MUC5B: variants seen among roughly 807,000 people sequenced by gnomAD.
MUC5B encodes the protein mucin-5B.
A neutral mutation model predicts 376.9 loss-of-function variants in MUC5B; 116 were observed. The ratio of observed to expected loss-of-function variants is 0.31; its 90% CI spans 0.26 to 0.36. MUC5B has a LOEUF of 0.36. Ranked by LOEUF, MUC5B falls within the 10% of genes least tolerant of loss-of-function variation. The pLI is 1.00. For synonymous variants in MUC5B, 3,517 were observed against 3,390.9 expected (o/e 1.04, Z -1.29); for missense variants, 7,165 against 7,769.9 (o/e 0.92, Z 2.93).
chr11:1,246,697 A>G lies in MUC5B; in HGVS notation c.9817A>G (p.Thr3273Ala). 6.2e-7 allele frequency: 1 copy of G among 1,609,686 alleles called. No individual in the cohort carries two copies. Among genetic ancestry groups the G allele is most frequent in the East Asian group, 2.2e-5 (1 of 44,746 alleles). The change falls in exon 31 of 49, where the codon ACT becomes GCT. Residue 3273 changes from threonine to alanine, a missense_variant. Transcript: ENST00000529681. ...AGCCACACCCTCCTCTACTCCAGAG[A>G]CTGTCCACACCTCCACAGTGCTTAC... ...STATPSSTPETVHTSTVLTTT... is the reference protein window; with the variant it reads ...STATPSSTPEAVHTSTVLTTT...
chr11:1,242,172 G>C lies in MUC5B; in HGVS notation c.5292G>C (p.Arg1764Ser). 6.2e-7 allele frequency: 1 copy of C among 1,613,510 alleles called. No individual in the cohort carries two copies. Among genetic ancestry groups the C allele is most frequent in the South Asian group, 1.1e-5 (1 of 91,086 alleles). ...CTCAGGCCGAGACCAGCACGCCCAG[G>C]ACAGAGACGACAATGAGCCCCTTGA... ...STSQAETSTP[R>S]TETTMSPLTN... The change falls in exon 31 of 49, where the codon AGG becomes AGC. Residue 1764 changes from arginine to serine, a missense_variant. By Grantham distance (110) the Arg-to-Ser change is moderately radical. Coordinates refer to ENST00000529681, the MANE Select transcript of MUC5B (RefSeq NM_002458.3).
Position 1,235,031 on chromosome 11 carries a change from G to A in MUC5B, c.2631-54G>A. ...GCACAGGCCTGGGTGCCGGGTCTCA[G>A]GAAGGCCGGGAGAGCAGGCCCCTGT... On this transcript the variant is annotated intron_variant, in intron 21 of 48. Transcript: ENST00000529681. 6 of 1,563,972 alleles carry A rather than the reference G, an allele frequency of 3.8e-6. No homozygotes were observed. The South Asian group carries it at 6.0e-5, about 16-fold the overall frequency.
rs200222877 is a variant in MUC5B at position 1,232,674 on chromosome 11, C to T, written c.1969C>T (p.Arg657Trp). The T allele has an allele frequency of 7.4e-4, 1,181 of 1,600,342 alleles. 8 individuals carry two copies. In the African/African-American group the frequency reaches 0.013, roughly 18 times the overall value. Residue 657 changes from arginine (R) to tryptophan (W), a missense_variant, in exon 17 of 49, where the codon CGG becomes TGG. Transcript: ENST00000529681. ...NCMFDTCNCERSEDCLCAALS... is the reference protein window; with the variant it reads ...NCMFDTCNCEWSEDCLCAALS... ...CATGTTTGACACCTGCAACTGTGAG[C>T]GGAGCGAGGACTGCCTGTGCGCCGC...
intron 1 of MUC5B, 24 bp downstream of exon 1, chr11:1,223,217 C>G (rs1312501176): frequency 1.4e-6 from 1 of 709,124 alleles, no homozygotes; most frequent in African/African-American, 1.7e-5. Flanking sequence ...ACTCCGCCCC[C>G]TCTCGATGCT....
rs200048522 is a variant in MUC5B, at chr11:1,248,954, G to A, written c.12074G>A (p.Arg4025His). 5.5e-4 allele frequency: 883 copies of A among 1,598,848 alleles called. 4 individuals are homozygous for A. In the African/African-American group the frequency reaches 0.011, roughly 19 times the overall value. ...SLSPSSPHTVRTAWTSATSGT... is the reference protein window; with the variant it reads ...SLSPSSPHTVHTAWTSATSGT... ...TCCCCCAGCAGTCCCCACACGGTGC[G>A]CACAGCCTGGACTTCGGCCACCTCA... is the stretch of plus-strand genomic sequence containing the variant. The change falls in exon 31 of 49, where the codon CGC (arginine) becomes CAC (histidine). Residue 4025 changes from arginine to histidine, a missense_variant. Coordinates refer to ENST00000529681, the MANE Select transcript of MUC5B (RefSeq NM_002458.3).
rs761449353 is a variant in MUC5B at position 1,243,476 on chromosome 11, G to A, written c.6596G>A (p.Gly2199Glu). 2.6e-6 allele frequency: 4 copies of A among 1,537,196 alleles called. No individual in the cohort carries two copies. The South Asian group carries it at 3.4e-5, about 13-fold the overall frequency. Residue 2199 changes from glycine (G) to glutamate (E), a missense_variant, in exon 31 of 49, where the codon GGG (glycine) becomes GAG (glutamate). Gly to Glu is a moderately conservative substitution (Grantham distance 98). Coordinates refer to ENST00000529681, the MANE Select transcript of MUC5B (RefSeq NM_002458.3). ...CCGAACACCATGGCCACCACACACGGGCGATCCCTGCCCCCCAGCAGTCCC... is the reference window on the plus strand; with the variant it reads ...CCGAACACCATGGCCACCACACACGAGCGATCCCTGCCCCCCAGCAGTCCC... ...PVPNTMATTHGRSLPPSSPHT... is the reference protein window; with the variant it reads ...PVPNTMATTHERSLPPSSPHT...
Position 1,257,337 on chromosome 11 carries a change from G to A in MUC5B, c.16269+66G>A, listed in dbSNP as rs185510221. The stretch of plus-strand genomic sequence containing the variant: ...GCGAGCTGAGGGAGGGAGGGAAGGA[G>A]CATCCCCATCCCACAGGGCAGCTGT... On this transcript the variant is annotated intron_variant, in intron 40 of 48. Coordinates refer to ENST00000529681, the MANE Select transcript of MUC5B (RefSeq NM_002458.3). This position sits in a 1 kb window ranked among gnomAD's most constrained non-coding sequence, Gnocchi z 8.9. 75 of 804,874 alleles carry A rather than the reference G, an allele frequency of 9.3e-5. 2 individuals are homozygous for A. The East Asian group carries it at 1.7e-3, about 18-fold the overall frequency. 49.9% of individuals were successfully genotyped at this position (804,874 alleles called of 1,614,324 possible). A position where few individuals can be genotyped will look rare whatever the true frequency, so the allele number is the denominator to read the frequency against.
rs1219183739 is a variant in MUC5B at position 1,247,010 on chromosome 11, C to G, written c.10130C>G (p.Pro3377Arg). ...GTGGCCACTGGTTCTATGGCAACACCCTCCTCTAGCACACAGACCAGTGGT... is the reference window on the plus strand; with the variant it reads ...GTGGCCACTGGTTCTATGGCAACACGCTCCTCTAGCACACAGACCAGTGGT... Reference protein sequence around the residue: ...TTVATGSMATPSSSTQTSGTP... With the variant: ...TTVATGSMATRSSSTQTSGTP... The change falls in exon 31 of 49, where the codon CCC becomes CGC. Residue 3377 changes from proline (P) to arginine (R), a missense_variant. Physicochemically the swap from Pro to Arg is moderately radical, Grantham distance 103. Coordinates refer to ENST00000529681, the MANE Select transcript of MUC5B (RefSeq NM_002458.3). 12 of 1,554,194 alleles carry G rather than the reference C, an allele frequency of 7.7e-6. No individual in the cohort carries two copies. Among genetic ancestry groups the G allele is most frequent in the Non-Finnish European group, 1.0e-5 (12 of 1,148,766 alleles).
chr11:1,233,161 C>G lies in MUC5B; in HGVS notation c.2214C>G (p.Thr738=). 6.2e-7 allele frequency: 1 copy of G among 1,606,546 alleles called. No individual in the cohort carries two copies. The highest frequency in any genetic ancestry group is 1.7e-5 in the Admixed American group (1 of 59,820). ...ACGGCTGCACCTGCCCCGCGGGCAC[C>G]TTCCTCAATGACGCGGGCGCCTGTG... ...PVDGCTCPAG[T]FLNDAGACVP... The change falls in exon 18 of 49, where the codon ACC becomes ACG. Residue 738 remains threonine, a synonymous_variant. Coordinates refer to ENST00000529681, the MANE Select transcript of MUC5B (RefSeq NM_002458.3).
At chr11:1,237,527 G>T (rs535651084) in intron 25 of MUC5B, among the ~76,000 whole-genome samples, 1 of 152,172 alleles carries the variant, frequency 6.6e-6, no homozygotes, top group African/African-American at 2.4e-5. Flanking sequence ...CTGGCTCCCC[G>T]CTCAGCCAGG....
chr11:1,253,748 CTG>C lies in MUC5B; in HGVS notation c.15218-340_15218-339del, dbSNP rs1467136033. Among the ~76,000 whole-genome samples, 15 of 152,198 alleles carry C rather than the reference CTG, an allele frequency of 9.9e-5. No individual in the cohort carries two copies. Among genetic ancestry groups the C allele is most frequent in the African/African-American group, 3.4e-4 (14 of 41,438 alleles). Reference sequence around the variant, plus strand: ...TCTGCCTCTCTGTGGCCTCCCCTCTCTGTGTCTGTGTCTCTTCTGTCTCCCGT... The same window carrying C: ...TCTGCCTCTCTGTGGCCTCCCCTCTCTGTCTGTGTCTCTTCTGTCTCCCGT... On this transcript the variant is annotated intron_variant, in intron 33 of 48. Coordinates refer to ENST00000529681, the MANE Select transcript of MUC5B (RefSeq NM_002458.3). This position sits in a 1 kb window ranked among gnomAD's most constrained non-coding sequence, Gnocchi z 4.3.
At chr11:1,255,580 C>T (rs1400109286) in intron 37 of MUC5B, 22 bp downstream of exon 37, 6 of 1,459,420 alleles carry the variant, frequency 4.1e-6, no homozygotes, top group East Asian at 5.0e-5. Flanking sequence ...CGGCCCCGGG[C>T]CCCCCAGACC....
In MUC5B at chr11:1,240,360, C is replaced by A. The variant is rs747790027; in HGVS notation, c.3955C>A (p.Pro1319Thr). The part of the protein sequence containing the change: ...TPFTFTTAWV[P>T]HSTTSPALPV... ...ATTCACCTTCACCACCGCCTGGGTCCCCCACTCCACGACAAGTAAGCCCTG... is the reference window on the plus strand; with the variant it reads ...ATTCACCTTCACCACCGCCTGGGTCACCCACTCCACGACAAGTAAGCCCTG... Residue 1319 changes from proline (P) to threonine (T), a missense_variant, in exon 30 of 49, where the codon CCC becomes ACC. Physicochemically the swap from Pro to Thr is conservative, Grantham distance 38. Coordinates refer to ENST00000529681, the MANE Select transcript of MUC5B (RefSeq NM_002458.3). 3.3e-5 allele frequency: 53 copies of A among 1,600,286 alleles called. 2 individuals are homozygous for A. Among genetic ancestry groups the A allele is most frequent in the Middle Eastern group, 3.3e-4 (2 of 6,014 alleles).
Position 1,249,847 on chromosome 11 carries a change from G to A in MUC5B, c.12967G>A (p.Val4323Ile), listed in dbSNP as rs201326462. The change falls in exon 31 of 49, where the codon GTT becomes ATT. Residue 4323 changes from valine (V) to isoleucine (I), a missense_variant. By Grantham distance (29) the Val-to-Ile change is conservative. Transcript: ENST00000529681. ...AGCCACCAAATCCACAGCTACCAGC[G>A]TTACACCCATCCCCTCCTCCACCCT... Reference protein sequence around the residue: ...STATKSTATSVTPIPSSTLGT... With the variant: ...STATKSTATSITPIPSSTLGT... The A allele has an allele frequency of 4.8e-5, 77 of 1,609,600 alleles. No homozygotes were observed. The highest frequency in any genetic ancestry group is 4.0e-4 in the Admixed American group (24 of 59,806).
In MUC5B at chr11:1,242,457, CGAA is replaced by C; in HGVS notation, c.5580_5582del (p.Glu1860del). 6.2e-7 allele frequency: 1 copy of C among 1,613,722 alleles called. No homozygotes were observed. The highest frequency in any genetic ancestry group is 8.5e-7 in the Non-Finnish European group (1 of 1,179,784). On this transcript the variant is annotated inframe_deletion, in exon 31 of 49. Transcript: ENST00000529681. ...TGGAGACGGGGCTGACCTGCAAGAA[CGAA>C]GACCAGACAGGCAGGTTCAACATGT...
chr11:1,260,722 C>T lies in MUC5B; in HGVS notation c.17063C>T (p.Ala5688Val), dbSNP rs377407971. 1.1e-5 allele frequency: 17 copies of T among 1,608,668 alleles called. No homozygotes were observed. The highest frequency in any genetic ancestry group is 9.3e-5 in the African/African-American group (7 of 74,878). Reference sequence around the variant, plus strand: ...TTCTGCGAGGGCTCCTGCCCCGGAGCGTCCAAGTGAGTGGGCTCCTGGCCC... The same window carrying T: ...TTCTGCGAGGGCTCCTGCCCCGGAGTGTCCAAGTGAGTGGGCTCCTGGCCC... ...ITFCEGSCPGASKYSAEAQAM... is the reference protein window; with the variant it reads ...ITFCEGSCPGVSKYSAEAQAM... The change falls in exon 48 of 49, where the codon GCG (alanine) becomes GTG (valine). Residue 5688 changes from alanine to valine, a missense_variant. Transcript: ENST00000529681.
At chr11:1,252,017 C>T (rs899937807) in intron 31 of MUC5B, among the ~76,000 whole-genome samples, 1 of 151,850 alleles carries the variant, frequency 6.6e-6, no homozygotes, top group Non-Finnish European at 1.5e-5. Flanking sequence ...TCGGTCTCCC[C>T]TGGACACAAT....
Position 1,248,289 on chromosome 11 carries a change from C to T in MUC5B, c.11409C>T (p.Gly3803=). 6.2e-7 allele frequency: 1 copy of T among 1,600,206 alleles called. No individual in the cohort carries two copies. ...SFTAIPSSSL[G]TTWTRLSQTT... ...CAGCCATCCCCTCCTCCTCCCTGGG[C>T]ACCACCTGGACCCGCCTATCACAGA... The change falls in exon 31 of 49, where the codon GGC becomes GGT. Residue 3803 remains glycine (G), a synonymous_variant. Transcript: ENST00000529681.
In MUC5B at chr11:1,250,987, A is replaced by G. The variant is rs771287328; in HGVS notation, c.14107A>G (p.Thr4703Ala). Residue 4703 changes from threonine to alanine, a missense_variant, in exon 31 of 49, where the codon ACA becomes GCA. Thr to Ala is a moderately conservative substitution (Grantham distance 58, BLOSUM62 0). This residue lies in a region of MUC5B where 730 missense variants were observed against 592.7 expected (regional missense o/e 1.23). Coordinates refer to ENST00000529681, the MANE Select transcript of MUC5B (RefSeq NM_002458.3). ...CAACCCCTCCTCAACTCCAGGGACA[A>G]CACCCATCACCCCAGTGCTGACCAG... Reference protein sequence around the residue: ...TTNPSSTPGTTPITPVLTSTA... With the variant: ...TTNPSSTPGTAPITPVLTSTA... 3 of 1,610,452 alleles carry G rather than the reference A, an allele frequency of 1.9e-6. No individual in the cohort carries two copies. The African/African-American group carries it at 4.0e-5, about 22-fold the overall frequency.
Sources: gnomAD v4.1 joint callset for allele counts (sites outside exome capture counted in the v4.1 genomes callset) on GRCh38, gnomAD v4.1.1 for gene constraint, gnomAD v4.1.1 regional missense constraint, Gnocchi (gnomAD v3.1) non-coding constraint, MANE v1.5 for transcripts, NCBI Gene and HGNC (gene_info 2026-07-23, HGNC 2026-07-21) for gene names.